CELSR1: variants seen among roughly 807,000 people sequenced by gnomAD.
The protein encoded by CELSR1 is adhesion G protein-coupled receptor C1.
A neutral mutation model predicts 249.1 loss-of-function variants in CELSR1; 110 were observed. That is an observed-to-expected ratio of 0.44 (90% CI 0.38 to 0.52). The LOEUF (loss-of-function observed/expected upper bound fraction) is 0.52, where lower values mean the gene tolerates loss of function less well. CELSR1 is among the 20% of genes least tolerant of loss of function. The pLI is 0.00. For synonymous variants in CELSR1, 2,113 were observed against 1,900.0 expected (o/e 1.11, Z -2.92); for missense variants, 4,109 against 4,296.4 (o/e 0.96, Z 1.22).
In CELSR1 at chr22:46,537,084, G is replaced by A. The variant is rs980266227; in HGVS notation, c.87C>T (p.Ala29=). 2.5e-5 allele frequency: 26 copies of A among 1,048,692 alleles called. No homozygotes were observed. The highest frequency in any genetic ancestry group is 8.6e-5 in the African/African-American group (5 of 58,264). 65.0% of individuals were successfully genotyped at this position (1,048,692 alleles called of 1,614,324 possible). The change falls in exon 1 of 35, where the codon GCC becomes GCT. Residue 29 remains alanine, a synonymous_variant. Transcript: ENST00000674500. The surrounding 1 kb of genome is among the most constrained non-coding windows in gnomAD (Gnocchi z 5.8). ...CGCCGGGTACGCGCGGCTCCCAGGC[G>A]GCCGCTCGCAGCCCCATCGCCGGCA... ...AALPAMGLRA[A]AWEPRVPGGT... is the part of the protein sequence containing the mutation.
In CELSR1 at chr22:46,367,873, C is replaced by G; in HGVS notation, c.7953-18G>C. Reference sequence around the variant, plus strand: ...GCAGGGAGCTGCGGGAGGGCAGGATCAGGCCTGTGCCCATCGCCACCACCT... The same window carrying G: ...GCAGGGAGCTGCGGGAGGGCAGGATGAGGCCTGTGCCCATCGCCACCACCT... On this transcript the variant is annotated intron_variant, in intron 27 of 34. Coordinates refer to ENST00000674500, the MANE Select transcript of CELSR1 (RefSeq NM_001378328.1). The G allele has an allele frequency of 6.9e-6, 11 of 1,600,794 alleles. No individual in the cohort carries two copies. The highest frequency in any genetic ancestry group is 2.2e-5 in the East Asian group (1 of 44,514).
At chr22:46,392,883 C>T (rs116383621) in intron 14 of CELSR1, among the ~76,000 whole-genome samples, 2,690 of 152,174 alleles carry the variant, frequency 0.018, 89 homozygotes, top group African/African-American at 0.061. Context: ...AGAAAAAAAT[C>T]GTAGGCAAGT....
chr22:46,534,605 C>A lies in CELSR1; in HGVS notation c.2566G>T (p.Val856Phe). 6.2e-7 allele frequency: 1 copy of A among 1,613,916 alleles called. No homozygotes were observed. The highest frequency in any genetic ancestry group is 8.5e-7 in the Non-Finnish European group (1 of 1,180,034). Residue 856 changes from valine to phenylalanine, a missense_variant, in exon 1 of 35, where the codon GTC (valine) becomes TTC (phenylalanine). Val to Phe is a conservative substitution (Grantham distance 50, BLOSUM62 -1). Around this residue, in one of 7 missense-constraint regions of CELSR1, gnomAD observed 886 missense variants for 896.5 expected, o/e 0.99. Coordinates refer to ENST00000674500, the MANE Select transcript of CELSR1 (RefSeq NM_001378328.1). This position sits in a 1 kb window ranked among gnomAD's most constrained non-coding sequence, Gnocchi z 9.7. The part of the protein sequence containing the change: ...TMMELDYENQ[V>F]AYTLTIMAQD... ...GCCATGATGGTCAGCGTGTAGGCGA[C>A]CTGGTTCTCATAGTCCAGCTCCATC... is the stretch of plus-strand genomic sequence containing the variant.
intron 24 of CELSR1, among the ~76,000 whole-genome samples, chr22:46,376,748 A>G (rs1000590973): frequency 6.6e-6 from 1 of 151,196 alleles, no homozygotes; most frequent in Non-Finnish European, 1.5e-5. Context: ...TGGAAGTTGC[A>G]GTGAGCTGAG....
At chr22:46,387,239 T>C (rs2079042920) in intron 18 of CELSR1, among the ~76,000 whole-genome samples, 2 of 152,320 alleles carry the variant, frequency 1.3e-5, no homozygotes, top group African/African-American at 2.4e-5. Flanking sequence ...ACAATTGAAA[T>C]ACAAAACAAA....
rs374468252 is a variant in CELSR1 at position 46,396,662 on chromosome 22, G to A, written c.5786C>T (p.Pro1929Leu). The A allele has an allele frequency of 8.4e-5, 136 of 1,612,048 alleles. No individual in the cohort carries two copies. Among genetic ancestry groups the A allele is most frequent in the Admixed American group, 1.5e-4 (9 of 59,790 alleles). The change falls in exon 13 of 35, where the codon CCG (proline) becomes CTG (leucine). Residue 1929 changes from proline (P) to leucine (L), a missense_variant. By Grantham distance (98) the Pro-to-Leu change is moderately conservative. Coordinates refer to ENST00000674500, the MANE Select transcript of CELSR1 (RefSeq NM_001378328.1). The surrounding 1 kb of genome is among the most constrained non-coding windows in gnomAD (Gnocchi z 6.4). ...CCCACACTCGCACACGTAGCCCTGC[G>A]GGGAGCCGGGGGAGCGCACGCAGGC... is the stretch of plus-strand genomic sequence containing the variant. The part of the protein sequence containing the change: ...MGACVRSPGS[P>L]QGYVCECGPS...
rs61737817 is a variant in CELSR1 at position 46,433,452 on chromosome 22, C to A, written c.4552G>T (p.Val1518Phe). 785 of 1,614,044 alleles carry A rather than the reference C, an allele frequency of 4.9e-4. No homozygotes were observed. The highest frequency in any genetic ancestry group is 6.2e-4 in the Non-Finnish European group (727 of 1,179,966). Residue 1518 changes from valine (V) to phenylalanine (F), a missense_variant, in exon 5 of 35, where the codon GTT (valine) becomes TTT (phenylalanine). Val to Phe is a conservative substitution (Grantham distance 50, BLOSUM62 -1). Around this residue, in one of 7 missense-constraint regions of CELSR1, gnomAD observed 453 missense variants for 492.0 expected, o/e 0.92. Coordinates refer to ENST00000674500, the MANE Select transcript of CELSR1 (RefSeq NM_001378328.1). This position sits in a 1 kb window ranked among gnomAD's most constrained non-coding sequence, Gnocchi z 5.7. The part of the protein sequence containing the change: ...GETTTTVAPK[V>F]PSGVSDGRWH... Reference sequence around the variant, plus strand: ...CGCCCGTCACTCACACCACTGGGAACCTTCGGTGCCACGGTCGTTGTTGTC... The same window carrying A: ...CGCCCGTCACTCACACCACTGGGAAACTTCGGTGCCACGGTCGTTGTTGTC...
chr22:46,445,788 T>C lies in CELSR1; in HGVS notation c.4184-6377A>G, dbSNP rs1169147980. ...GCCTTTCCCGTCGATGCTTCGGAGG[T>C]GGAAGCGTCCAGGACTCCCCGGGTG... On this transcript the variant is annotated intron_variant, in intron 2 of 34. Transcript: ENST00000674500. This position sits in a 1 kb window ranked among gnomAD's most constrained non-coding sequence, Gnocchi z 4.4. Among the ~76,000 whole-genome samples, 1 of 152,026 alleles carries C rather than the reference T, an allele frequency of 6.6e-6. No homozygotes were observed. Among genetic ancestry groups the C allele is most frequent in the Admixed American group, 6.6e-5 (1 of 15,260 alleles).
At chr22:46,516,537 G>A (rs932153868) in intron 1 of CELSR1, among the ~76,000 whole-genome samples, 22 of 151,852 alleles carry the variant, frequency 1.4e-4, no homozygotes, top group African/African-American at 4.4e-4. Flanking sequence ...ACAGGGTCTC[G>A]CCATGTTGCC....
Position 46,535,611 on chromosome 22 carries a change from G to T in CELSR1, c.1560C>A (p.Asn520Lys). ...TCTGGACATCCTCGAAATCCAAGGG[G>T]TTGATCACATCCAGGATCCCGCTCA... is the stretch of plus-strand genomic sequence containing the variant. ...HSLSGILDVI[N>K]PLDFEDVQKY... Residue 520 changes from asparagine (N) to lysine (K), a missense_variant, in exon 1 of 35, where the codon AAC (asparagine) becomes AAA (lysine). Physicochemically the swap from Asn to Lys is moderately conservative, Grantham distance 94. Coordinates refer to ENST00000674500, the MANE Select transcript of CELSR1 (RefSeq NM_001378328.1). 1 of 1,613,464 alleles carries T rather than the reference G, an allele frequency of 6.2e-7. No individual in the cohort carries two copies. Among genetic ancestry groups the T allele is most frequent in the Non-Finnish European group, 8.5e-7 (1 of 1,180,046 alleles).
In CELSR1 at chr22:46,439,378, C is replaced by T. The variant is rs776929405; in HGVS notation, c.4217G>A (p.Arg1406His). 3.5e-5 allele frequency: 56 copies of T among 1,613,400 alleles called. No homozygotes were observed. Among genetic ancestry groups the T allele is most frequent in the South Asian group, 5.5e-5 (5 of 91,054 alleles). ...GTTCTTGCACACCCCGTTGGCACAG[C>T]GGCCTGAGCGGGCATCCACCTCACA... ...EHCEVDARSGRCANGVCKNGG... is the reference protein window; with the variant it reads ...EHCEVDARSGHCANGVCKNGG... The change falls in exon 3 of 35, where the codon CGC becomes CAC. Residue 1406 changes from arginine to histidine, a missense_variant. This residue lies in a region of CELSR1 where 453 missense variants were observed against 492.0 expected (regional missense o/e 0.92). Transcript: ENST00000674500.
chr22:46,519,872 C>CAT (rs2080667190), intron 1 of CELSR1, among the ~76,000 whole-genome samples: 1 of 138,898 alleles, frequency 7.2e-6, no homozygotes. Context: ...ACCCCTATTG[C>CAT]TTTTTTTTTT....
rs754746614 is a variant in CELSR1, at chr22:46,409,785, G to C, written c.5029C>G (p.Leu1677Val). 1 of 1,613,758 alleles carries C rather than the reference G, an allele frequency of 6.2e-7. No individual in the cohort carries two copies. Among genetic ancestry groups the C allele is most frequent in the African/African-American group, 1.3e-5 (1 of 74,942 alleles). ...RWNMYLCECP[L>V]RFGGKNCEQA... ...TCACAGTTCTTCCCGCCGAATCGGA[G>C]TGGACACTCACACAGATACATATTC... The change falls in exon 8 of 35, where the codon CTC becomes GTC. Residue 1677 changes from leucine to valine, a missense_variant. By Grantham distance (32) the Leu-to-Val change is conservative. Transcript: ENST00000674500. The surrounding 1 kb of genome is among the most constrained non-coding windows in gnomAD (Gnocchi z 9.8).
At chr22:46,521,184 C>T (rs996271381) in intron 1 of CELSR1, among the ~76,000 whole-genome samples, 1 of 152,184 alleles carries the variant, frequency 6.6e-6, no homozygotes, top group Non-Finnish European at 1.5e-5. Flanking sequence ...CTGCTATGAA[C>T]ATGGGTGTAC....
At chr22:46,418,206 C>T (rs111294487) in intron 5 of CELSR1, among the ~76,000 whole-genome samples, 177 of 152,316 alleles carry the variant, frequency 1.2e-3, no homozygotes, top group African/African-American at 3.8e-3. Context: ...AGGGGCTGAA[C>T]GCAGTGGCTC....
Position 46,423,979 on chromosome 22 carries a change from A to G in CELSR1, c.4611+9414T>C, listed in dbSNP as rs993572444. On this transcript the variant is annotated intron_variant, in intron 5 of 34. Coordinates refer to ENST00000674500, the MANE Select transcript of CELSR1 (RefSeq NM_001378328.1). The surrounding 1 kb of genome is among the most constrained non-coding windows in gnomAD (Gnocchi z 5.6). ...AGACTGCATCTCAAAACAAACAAAG[A>G]AAAAAAACACAAGTTTGTTGTTTTG... 2.0e-5 allele frequency among the ~76,000 whole-genome samples: 3 copies of G among 152,030 alleles called. No individual in the cohort carries two copies. The highest frequency in any genetic ancestry group is 4.4e-5 in the Non-Finnish European group (3 of 67,988).
chr22:46,364,436 A>G, intron 33 of CELSR1, 76 bp downstream of exon 33: 1 of 1,527,148 alleles, frequency 6.5e-7, no homozygotes, highest in Non-Finnish European at 8.9e-7. Flanking sequence ...CCCCAGCCCC[A>G]CTCCCACCTC....
In CELSR1 at chr22:46,390,562, C is replaced by A. The variant is rs1172551324; in HGVS notation, c.6251-76G>T. On this transcript the variant is annotated intron_variant, in intron 16 of 34. Transcript: ENST00000674500. The surrounding 1 kb of genome is among the most constrained non-coding windows in gnomAD (Gnocchi z 6.3). ...ATGCTTGTGTATTTCAATCCACAAT[C>A]TGAATATACTTAAACCCAGAACACT... 5.8e-6 allele frequency: 7 copies of A among 1,208,692 alleles called. No homozygotes were observed. Among genetic ancestry groups the A allele is most frequent in the Non-Finnish European group, 3.6e-6 (3 of 833,730 alleles). 74.9% of individuals were successfully genotyped at this position (1,208,692 alleles called of 1,614,324 possible).
In CELSR1 at chr22:46,500,060, G is replaced by A. The variant is rs1443035226; in HGVS notation, c.3544+33567C>T. On this transcript the variant is annotated intron_variant, in intron 1 of 34. Transcript: ENST00000674500. The surrounding 1 kb of genome is among the most constrained non-coding windows in gnomAD (Gnocchi z 4.9). ...TATCTTCCCAAACGGGTTGTTTTCTGTGAGTCCGGACTCTCTGCTCTGATC... is the reference window on the plus strand; with the variant it reads ...TATCTTCCCAAACGGGTTGTTTTCTATGAGTCCGGACTCTCTGCTCTGATC... Among the ~76,000 whole-genome samples, 2 of 151,216 alleles carry A rather than the reference G, an allele frequency of 1.3e-5. No individual in the cohort carries two copies. Among genetic ancestry groups the A allele is most frequent in the Non-Finnish European group, 2.9e-5 (2 of 67,972 alleles).
Sources: allele counts gnomAD v4.1 joint callset (sites outside exome capture counted in the v4.1 genomes callset), GRCh38; gene constraint gnomAD v4.1.1; regional missense constraint gnomAD v4.1.1; non-coding constraint Gnocchi (gnomAD v3.1); transcripts MANE v1.5; gene names NCBI Gene and HGNC (gene_info 2026-07-23, HGNC 2026-07-21).